The following MAPK8 variants were observed in gnomAD, a reference collection of about 807,000 sequenced individuals.
MAPK8 encodes mitogen-activated protein kinase 8, also known as JUN N-terminal kinase.
In MAPK8, 13 loss-of-function variants were observed where a neutral mutation model predicts 52.9. That is an observed-to-expected ratio of 0.25 (90% CI 0.16 to 0.39). MAPK8 has a LOEUF of 0.39. MAPK8 is among the 10% of genes least tolerant of loss of function. The pLI is 1.00. For missense variants in MAPK8, 300 were observed against 519.2 expected, an observed-to-expected ratio of 0.58 and a Z score of 4.10; for synonymous variants, 191 against 169.8, an observed-to-expected ratio of 1.12 and a Z score of -0.97.
chr10:48,394,015 T>C (rs2041763554), intron 1 of MAPK8, among the ~76,000 whole-genome samples: 1 of 151,906 alleles, frequency 6.6e-6, no homozygotes, highest in South Asian at 2.1e-4. Flanking sequence ...CTATAGACAT[T>C]AAATTGGACA....
intron 10 of MAPK8, among the ~76,000 whole-genome samples, chr10:48,428,221 T>G (rs1223700012): frequency 6.6e-6 from 1 of 152,224 alleles, no homozygotes; most frequent in Non-Finnish European, 1.5e-5. Context: ...TTGATAGTCA[T>G]GGAAGTTTTC....
chr10:48,374,278 A>G (rs965852288), intron 1 of MAPK8, among the ~76,000 whole-genome samples: 2 of 152,224 alleles, frequency 1.3e-5, no homozygotes, highest in Non-Finnish European at 2.9e-5. Flanking sequence ...CTAAATGCCC[A>G]TAAGAGAAAG....
chr10:48,322,117 C>G (rs1843056070), intron 1 of MAPK8, among the ~76,000 whole-genome samples: 1 of 152,018 alleles, frequency 6.6e-6, no homozygotes, highest in South Asian at 2.1e-4. Flanking sequence ...GTATGAATTC[C>G]TTTTAGATTG....
intron 5 of MAPK8, among the ~76,000 whole-genome samples, chr10:48,411,650 AG>A (rs2042753362): frequency 6.6e-6 from 1 of 152,204 alleles, no homozygotes; most frequent in Non-Finnish European, 1.5e-5. Flanking sequence ...TTCTGCAGAA[AG>A]GGCAATTAGA....
intron 1 of MAPK8, among the ~76,000 whole-genome samples, chr10:48,401,356 G>A (rs1301625515): frequency 6.6e-6 from 1 of 151,972 alleles, no homozygotes; most frequent in East Asian, 1.9e-4. Context: ...AGTTATTAAT[G>A]TATTAATACT....
At chr10:48,382,410 AC>A (rs1178234190) in intron 1 of MAPK8, among the ~76,000 whole-genome samples, 2 of 152,218 alleles carry the variant, frequency 1.3e-5, no homozygotes, top group African/African-American at 4.8e-5. Flanking sequence ...TACCATGTAA[AC>A]AATATACAAA....
intron 1 of MAPK8, among the ~76,000 whole-genome samples, chr10:48,344,878 C>T (rs899221752): frequency 6.6e-5 from 10 of 152,000 alleles, no homozygotes; most frequent in African/African-American, 1.9e-4. Flanking sequence ...GTGCATATCT[C>T]GCATTCTGTC....
intron 5 of MAPK8, among the ~76,000 whole-genome samples, chr10:48,410,998 G>A (rs1039048531): frequency 2.0e-5 from 3 of 152,138 alleles, no homozygotes; most frequent in Middle Eastern, 3.4e-3. Flanking sequence ...TGTTGTTTTA[G>A]CATTTCTTTA....
intron 1 of MAPK8, among the ~76,000 whole-genome samples, chr10:48,315,785 T>C (rs1011277627): frequency 1.4e-4 from 21 of 151,884 alleles, no homozygotes; most frequent in Non-Finnish European, 2.5e-4. Flanking sequence ...TCTTATGTCA[T>C]GCCAGCTTTT....
intron 1 of MAPK8, among the ~76,000 whole-genome samples, chr10:48,383,370 T>G (rs547166533): frequency 3.9e-5 from 6 of 152,290 alleles, no homozygotes; most frequent in African/African-American, 1.2e-4. Context: ...TCAAAAGCTG[T>G]TCATGGAAGG....
chr10:48,384,947 G>A (rs1180824001), intron 1 of MAPK8, among the ~76,000 whole-genome samples: 1 of 152,164 alleles, frequency 6.6e-6, no homozygotes, highest in Non-Finnish European at 1.5e-5. Context: ...GTCTTGGGGA[G>A]TGCTCCAGAG....
In MAPK8 at chr10:48,435,868, G is replaced by T. The variant is rs961991633; in HGVS notation, c.*839G>T. On this transcript the variant is annotated 3_prime_UTR_variant, in exon 12 of 12. Coordinates refer to ENST00000374189, the MANE Select transcript of MAPK8 (RefSeq NM_001323329.2). ...ACATTTCAATGCAAATAAACAGATG[G>T]TTCACTTCTACTAGCTATGAGCCTG... 6.6e-6 allele frequency: 1 copy of T among 152,210 alleles called. No homozygotes were observed. Among genetic ancestry groups the T allele is most frequent in the African/African-American group, 2.4e-5 (1 of 41,442 alleles). The allele number at this position is 152,210 out of a possible 1,614,324, so 9.4% of individuals were successfully genotyped here.
intron 1 of MAPK8, among the ~76,000 whole-genome samples, chr10:48,348,169 T>C (rs1451347312): frequency 6.6e-6 from 1 of 152,254 alleles, no homozygotes; most frequent in Non-Finnish European, 1.5e-5. Context: ...TTCATGTGTT[T>C]GTTGGCTGCA....
intron 3 of MAPK8, among the ~76,000 whole-genome samples, chr10:48,408,112 A>T (rs2042565260): frequency 6.6e-6 from 1 of 152,240 alleles, no homozygotes. Context: ...TTCTGCCCTT[A>T]TAAAGTTTAT....
intron 1 of MAPK8, among the ~76,000 whole-genome samples, chr10:48,314,146 G>A (rs1032966066): frequency 2.6e-5 from 4 of 152,054 alleles, no homozygotes; most frequent in Non-Finnish European, 5.9e-5. Flanking sequence ...TCTGGAGGTC[G>A]GGAAGTTCAA....
intron 1 of MAPK8, among the ~76,000 whole-genome samples, chr10:48,377,906 T>G (rs2040768843): frequency 6.6e-6 from 1 of 152,210 alleles, no homozygotes; most frequent in Non-Finnish European, 1.5e-5. Context: ...TGTTAAATTG[T>G]AAGGTGTGTG....
chr10:48,405,056 TA>T, intron 3 of MAPK8, 75 bp downstream of exon 3: 1 of 915,742 alleles, frequency 1.1e-6, no homozygotes, highest in Non-Finnish European at 1.6e-6. Flanking sequence ...TATCAAAGAC[TA>T]AATATTAGGG....
chr10:48,385,762 A>G (rs2041275870), intron 1 of MAPK8, among the ~76,000 whole-genome samples: 1 of 152,200 alleles, frequency 6.6e-6, no homozygotes, highest in Non-Finnish European at 1.5e-5. Context: ...GCAAGTCTTC[A>G]ACTTAGATTT....
intron 10 of MAPK8, among the ~76,000 whole-genome samples, chr10:48,429,197 C>A (rs538615702): frequency 1.3e-5 from 2 of 152,194 alleles, no homozygotes; most frequent in South Asian, 2.1e-4. Flanking sequence ...AATAGGCCAG[C>A]AGTTGTAAGG....
Sources: gnomAD v4.1 joint callset for allele counts (sites outside exome capture counted in the v4.1 genomes callset) on GRCh38, gnomAD v4.1.1 for gene constraint, MANE v1.5 for transcripts, NCBI Gene and HGNC (gene_info 2026-07-23, HGNC 2026-07-21) for gene names.